Variants in NOSIP observed in about 807,000 individuals in gnomAD.
NOSIP encodes nitric oxide synthase-interacting protein.
In NOSIP, 25 loss-of-function variants were observed where a neutral mutation model predicts 36.4. The observed-to-expected ratio is 0.69, with a 90% confidence interval of 0.50 to 0.96. NOSIP has a LOEUF of 0.96. Among genes scored for constraint, NOSIP ranks in the 40% least tolerant of loss-of-function variants. The probability of loss-of-function intolerance (pLI) is 0.00; values close to 1 mark genes in which losing one functional copy is unlikely to be tolerated. For missense variants in NOSIP, 370 were observed against 429.0 expected, an observed-to-expected ratio of 0.86 and a Z score of 1.21; for synonymous variants, 187 against 179.2, an observed-to-expected ratio of 1.04 and a Z score of -0.35.
At chr19:49,569,124 T>C (rs2080451102) in intron 1 of NOSIP, among the ~76,000 whole-genome samples, 1 of 149,586 alleles carries the variant, frequency 6.7e-6, no homozygotes, top group African/African-American at 2.5e-5. Context: ...TAAATCATAA[T>C]GCTTAGTGAG....
chr19:49,563,495 TC>T (rs1216543900), intron 1 of NOSIP, among the ~76,000 whole-genome samples: 1 of 148,518 alleles, frequency 6.7e-6, no homozygotes, highest in East Asian at 2.2e-4. Context: ...GCTTGAAAAT[TC>T]TTTTTTTTTT....
intron 3 of NOSIP, 31 bp downstream of exon 3, chr19:49,559,903 C>A: frequency 1.3e-6 from 2 of 1,548,388 alleles, no homozygotes; most frequent in Non-Finnish European, 1.8e-6. Context: ...CTCTCCCCAC[C>A]CAGACCTACC....
At chr19:49,556,772 G>A in intron 6 of NOSIP, 36 bp from the exon 7 acceptor site, 1 of 1,584,042 alleles carries the variant, frequency 6.3e-7, no homozygotes, top group South Asian at 1.1e-5. Flanking sequence ...TCAGTAGGCA[G>A]GGCTGGCGCA....
At chr19:49,568,723 T>C (rs1254837942) in intron 1 of NOSIP, among the ~76,000 whole-genome samples, 1 of 151,368 alleles carries the variant, frequency 6.6e-6, no homozygotes, top group Non-Finnish European at 1.5e-5. Flanking sequence ...GGCAGGAAGA[T>C]TGCTTAAGGC....
chr19:49,567,847 C>A (rs2080431508), intron 1 of NOSIP, among the ~76,000 whole-genome samples: 1 of 151,216 alleles, frequency 6.6e-6, no homozygotes, highest in South Asian at 2.1e-4. Flanking sequence ...AATTTTTTTG[C>A]ATTTTTTTTT....
At position 49,560,326 on chromosome 19, in the gene NOSIP, C is replaced by CA. The variant is rs1167444439; in HGVS notation, c.71-288dup. 3 of 576,412 alleles carry CA rather than the reference C, an allele frequency of 5.2e-6. No homozygotes were observed. Among genetic ancestry groups the CA allele is most frequent in the Non-Finnish European group, 9.3e-6 (3 of 322,568 alleles). The allele number at this position is 576,412 out of a possible 1,614,324, so 35.7% of individuals were successfully genotyped here. On this transcript the variant is annotated intron_variant, in intron 2 of 8. Transcript: ENST00000596358. The surrounding 1 kb of genome is among the most constrained non-coding windows in gnomAD (Gnocchi z 4.6). ...CCACCCTTCTGACTGTGACCAAGCT[C>CA]AAGTGCCTGTCCCTCTTTGGGCCTC...
intron 1 of NOSIP, among the ~76,000 whole-genome samples, chr19:49,571,817 T>C (rs2080487135): frequency 6.6e-6 from 1 of 151,820 alleles, no homozygotes; most frequent in Non-Finnish European, 1.5e-5. Context: ...AAACCCCATC[T>C]CTACTAAAAA....
Position 49,560,581 on chromosome 19 carries a change from G to A in NOSIP, c.70+41C>T, listed in dbSNP as rs1204612481. ...GCACGAGGGGAGAGGGTGACTCCAAGACACAGCCATGTCCCGCCTCTTCCC... is the reference window on the plus strand; with the variant it reads ...GCACGAGGGGAGAGGGTGACTCCAAAACACAGCCATGTCCCGCCTCTTCCC... On this transcript the variant is annotated intron_variant, in intron 2 of 8. Coordinates refer to ENST00000596358, the MANE Select transcript of NOSIP (RefSeq NM_001270960.2). The surrounding 1 kb of genome is among the most constrained non-coding windows in gnomAD (Gnocchi z 4.6). 2.0e-6 allele frequency: 3 copies of A among 1,501,980 alleles called. No homozygotes were observed. The highest frequency in any genetic ancestry group is 2.7e-6 in the Non-Finnish European group (3 of 1,099,138). The allele number at this position is 1,501,980 out of a possible 1,614,324, so 93.0% of individuals were successfully genotyped here.
intron 1 of NOSIP, among the ~76,000 whole-genome samples, chr19:49,565,641 C>T (rs55796141): frequency 6.6e-6 from 1 of 151,634 alleles, no homozygotes; most frequent in Admixed American, 6.6e-5. Context: ...GCCTGTAATC[C>T]CAGCTACTCA....
chr19:49,572,011 C>T (rs1826589096), intron 1 of NOSIP, among the ~76,000 whole-genome samples: 1 of 149,238 alleles, frequency 6.7e-6, no homozygotes, highest in Non-Finnish European at 1.5e-5. Flanking sequence ...AAAGCCAATC[C>T]ATTCCTTTAT....
chr19:49,573,641 CAT>C (rs568323517), intron 1 of NOSIP, among the ~76,000 whole-genome samples: 3 of 152,126 alleles, frequency 2.0e-5, no homozygotes, highest in Admixed American at 6.6e-5. Flanking sequence ...TCATTAGTAA[CAT>C]GTGAATCACA....
intron 1 of NOSIP, among the ~76,000 whole-genome samples, chr19:49,578,175 G>A (rs2080578698): frequency 6.6e-6 from 1 of 151,876 alleles, no homozygotes; most frequent in African/African-American, 2.4e-5. Context: ...CCAGGCTGGA[G>A]TGAAGTGGCA....
chr19:49,558,041 C>A, intron 4 of NOSIP: 1 of 536,228 alleles, frequency 1.9e-6, no homozygotes, highest in Non-Finnish European at 2.4e-6. Context: ...CCCACTGTGC[C>A]TCAAACAGGG....
intron 1 of NOSIP, among the ~76,000 whole-genome samples, chr19:49,561,012 T>C (rs924971552): frequency 6.6e-6 from 1 of 152,132 alleles, no homozygotes; most frequent in Non-Finnish European, 1.5e-5. Flanking sequence ...GGCTGTGCCA[T>C]TTAATGGAGG....
intron 1 of NOSIP, among the ~76,000 whole-genome samples, chr19:49,565,972 G>A (rs1016832524): frequency 4.6e-5 from 7 of 151,942 alleles, no homozygotes; most frequent in South Asian, 2.1e-4. Flanking sequence ...TGTCTAGCAC[G>A]TGTCCAAGGA....
rs1285034160 is a variant in NOSIP at position 49,557,087 on chromosome 19, C to T, written c.418+3G>A. ...AACCCACAAGAAGCCCAACCTGAGT[C>T]ACCTGGGCTGGTGCCCGAGAGGGCC... On this transcript the variant is annotated splice_donor_region_variant and intron_variant, in intron 5 of 8. Transcript: ENST00000596358. 8.7e-6 allele frequency: 14 copies of T among 1,609,938 alleles called. No homozygotes were observed. In the Admixed American group the frequency reaches 2.4e-4, roughly 27 times the overall value.
At chr19:49,573,177 C>G (rs2080508361) in intron 1 of NOSIP, among the ~76,000 whole-genome samples, 3 of 152,112 alleles carry the variant, frequency 2.0e-5, no homozygotes, top group Admixed American at 2.0e-4. Flanking sequence ...TGTGTTTGAT[C>G]CAAGCACCTG....
chr19:49,566,221 C>T (rs960866081), intron 1 of NOSIP, among the ~76,000 whole-genome samples: 4 of 152,020 alleles, frequency 2.6e-5, no homozygotes, highest in Non-Finnish European at 5.9e-5. Context: ...GGGGTTTCAC[C>T]GTGTTAGCCA....
At chr19:49,566,714 A>G (rs2122128401) in intron 1 of NOSIP, 1 of 152,324 alleles carries the variant, frequency 6.6e-6, no homozygotes, top group South Asian at 2.1e-4. Context: ...ATTGATCACA[A>G]CCAGCTACAG....
Sources: gnomAD v4.1 joint callset for allele counts (sites outside exome capture counted in the v4.1 genomes callset) on GRCh38, gnomAD v4.1.1 for gene constraint, Gnocchi (gnomAD v3.1) non-coding constraint, MANE v1.5 for transcripts, NCBI Gene and HGNC (gene_info 2026-07-23, HGNC 2026-07-21) for gene names.